Variants in MED27 observed in about 807,000 individuals in gnomAD.
The protein encoded by MED27 is mediator of RNA polymerase II transcription subunit 27.
A neutral mutation model predicts 38.2 loss-of-function variants in MED27; 30 were observed. That is an observed-to-expected ratio of 0.79 (90% confidence interval 0.59 to 1.07). MED27 has a LOEUF of 1.07. MED27 is among the 50% of genes least tolerant of loss of function. The pLI is 0.00. For missense variants in MED27, 289 were observed against 397.5 expected (o/e 0.73, Z 2.32); for synonymous variants, 122 against 153.5 (o/e 0.79, Z 1.52).
intron 2 of MED27, among the ~76,000 whole-genome samples, chr9:132,026,968 C>T (rs1832837154): frequency 6.6e-6 from 1 of 152,172 alleles, no homozygotes; most frequent in Non-Finnish European, 1.5e-5. Flanking sequence ...ATCCGGGGAG[C>T]CTGGCTCTGG....
chr9:131,982,305 G>A lies in MED27; in HGVS notation c.479+32032C>T, dbSNP rs1028399239. Among the ~76,000 whole-genome samples the A allele has an allele frequency of 4.6e-5, 7 of 152,138 alleles. 1 individual carries two copies. The highest frequency in any genetic ancestry group is 4.1e-4 in the South Asian group (2 of 4,824). ...CCAGCTCTTCTGCTCAAGAGATCACGTGCAGAGGCCACACGGAGAGGGAGG... is the reference window on the plus strand; with the variant it reads ...CCAGCTCTTCTGCTCAAGAGATCACATGCAGAGGCCACACGGAGAGGGAGG... On this transcript the variant is annotated intron_variant, in intron 3 of 7. Transcript: ENST00000292035. The surrounding 1 kb of genome is among the most constrained non-coding windows in gnomAD (Gnocchi z 4.3).
chr9:131,922,468 T>C lies in MED27; in HGVS notation c.573+16913A>G, dbSNP rs1830412038. Among the ~76,000 whole-genome samples the C allele has an allele frequency of 2.0e-5, 3 of 147,808 alleles. No homozygotes were observed. In the South Asian group the frequency reaches 6.4e-4, roughly 32 times the overall value. On this transcript the variant is annotated intron_variant, in intron 4 of 7. Transcript: ENST00000292035. ...TTTTTTTTTTTTTTTTGAGACACAG[T>C]CACACTCTGTCACCCAGGTTGGAGT...
intron 3 of MED27, among the ~76,000 whole-genome samples, chr9:132,002,247 C>T (rs1832251001): frequency 6.6e-6 from 1 of 152,220 alleles, no homozygotes; most frequent in Admixed American, 6.5e-5. Flanking sequence ...TCCACACTAA[C>T]CAAAATTAGA....
At chr9:131,990,185 G>A (rs1831941292) in intron 3 of MED27, among the ~76,000 whole-genome samples, 2 of 152,098 alleles carry the variant, frequency 1.3e-5, no homozygotes, top group South Asian at 4.1e-4. Context: ...TCCAGCTCCA[G>A]TCTTGTCTGC....
chr9:132,052,957 G>A (rs1045731664), intron 2 of MED27, among the ~76,000 whole-genome samples: 2 of 152,130 alleles, frequency 1.3e-5, no homozygotes, highest in Admixed American at 6.5e-5. Flanking sequence ...AGGTTCCCAC[G>A]AAAGGGCTGC....
At chr9:132,075,959 G>C (rs1374092862) in intron 2 of MED27, among the ~76,000 whole-genome samples, 6 of 152,152 alleles carry the variant, frequency 3.9e-5, no homozygotes, top group Admixed American at 3.9e-4. Flanking sequence ...CTGAGCTGAG[G>C]ATCCCACCCA....
At chr9:131,948,901 G>C in intron 3 of MED27, among the ~76,000 whole-genome samples, 1 of 152,142 alleles carries the variant, frequency 6.6e-6, no homozygotes, top group East Asian at 1.9e-4. Context: ...AAATGTAGGA[G>C]AATCACCCAG....
At chr9:132,011,670 A>C (rs1832489911) in intron 3 of MED27, among the ~76,000 whole-genome samples, 1 of 152,154 alleles carries the variant, frequency 6.6e-6, no homozygotes, top group Non-Finnish European at 1.5e-5. Flanking sequence ...ATGCCTCTAA[A>C]AAGAAACAAA....
At chr9:132,008,131 G>C (rs900251422) in intron 3 of MED27, among the ~76,000 whole-genome samples, 37 of 152,208 alleles carry the variant, frequency 2.4e-4, no homozygotes, top group African/African-American at 7.2e-4. Flanking sequence ...AGGCCATTCA[G>C]CCTGGCCATA....
chr9:131,870,395 G>A (rs568536683), intron 6 of MED27, among the ~76,000 whole-genome samples: 1 of 152,350 alleles, frequency 6.6e-6, no homozygotes, highest in East Asian at 1.9e-4. Flanking sequence ...CGCATGGCAA[G>A]CGCCCGCCAA....
intron 6 of MED27, among the ~76,000 whole-genome samples, chr9:131,876,711 C>A (rs1276883327): frequency 6.6e-6 from 1 of 152,160 alleles, no homozygotes; most frequent in Non-Finnish European, 1.5e-5. Context: ...CAGGGATGCC[C>A]TGGGACCGTC....
At chr9:132,032,609 T>C (rs941427348) in intron 2 of MED27, among the ~76,000 whole-genome samples, 8 of 152,218 alleles carry the variant, frequency 5.3e-5, no homozygotes, top group African/African-American at 1.9e-4. Flanking sequence ...GCAAATAGGA[T>C]TGTAACAGAA....
At chr9:131,939,533 A>G in intron 3 of MED27, 59 bp from the exon 4 acceptor site, 1 of 1,060,744 alleles carries the variant, frequency 9.4e-7, no homozygotes, top group Non-Finnish European at 1.4e-6. Flanking sequence ...GCTACAGATT[A>G]ATAGTATTCA....
At chr9:131,952,666 T>C (rs1831022403) in intron 3 of MED27, among the ~76,000 whole-genome samples, 1 of 152,202 alleles carries the variant, frequency 6.6e-6, no homozygotes. Context: ...AGGGTATTTA[T>C]CCTGCCTACA....
chr9:132,008,191 T>A (rs924322073), intron 3 of MED27, among the ~76,000 whole-genome samples: 4 of 152,148 alleles, frequency 2.6e-5, no homozygotes, highest in African/African-American at 9.7e-5. Flanking sequence ...CAACACTGCA[T>A]TAGAAAATCG....
chr9:131,886,345 C>T (rs1256081216), intron 5 of MED27, among the ~76,000 whole-genome samples: 2 of 152,152 alleles, frequency 1.3e-5, no homozygotes, highest in African/African-American at 2.4e-5. Context: ...TTCAGCTCAT[C>T]GAACTCCATG....
chr9:131,974,793 T>C (rs1267470719), intron 3 of MED27, among the ~76,000 whole-genome samples: 3 of 152,236 alleles, frequency 2.0e-5, no homozygotes, highest in African/African-American at 7.2e-5. Flanking sequence ...TTGGATGTGC[T>C]CTTGTCACTC....
intron 3 of MED27, among the ~76,000 whole-genome samples, chr9:131,966,381 C>CAA (rs1346897529): frequency 9.7e-3 from 33 of 3,390 alleles, no homozygotes; most frequent in Non-Finnish European, 0.011. Flanking sequence ...CAGACCCTGT[C>CAA]ACAAAAAAAA....
chr9:131,886,949 G>T (rs2131491464), intron 5 of MED27, among the ~76,000 whole-genome samples: 1 of 152,252 alleles, frequency 6.6e-6, no homozygotes, highest in African/African-American at 2.4e-5. Context: ...TCAGTTTTAG[G>T]AAGAGGAACA....
Sources: allele counts gnomAD v4.1 joint callset (sites outside exome capture counted in the v4.1 genomes callset), GRCh38; gene constraint gnomAD v4.1.1; non-coding constraint Gnocchi (gnomAD v3.1); transcripts MANE v1.5; gene names NCBI Gene and HGNC (gene_info 2026-07-23, HGNC 2026-07-21).